The following NCAM1 variants were observed in gnomAD, a reference collection of about 807,000 sequenced individuals.
The protein encoded by NCAM1 is neural cell adhesion molecule 1.
A neutral mutation model predicts 109.8 loss-of-function variants in NCAM1; 14 were observed. That is an observed-to-expected ratio of 0.13 (90% CI 0.08 to 0.20). The LOEUF is 0.20. Ranked by LOEUF, NCAM1 falls within the 10% of genes least tolerant of loss-of-function variation. The pLI is 1.00. For missense variants in NCAM1, 774 were observed against 1,109.9 expected, an observed-to-expected ratio of 0.70 and a Z score of 4.30; for synonymous variants, 418 against 442.9, an observed-to-expected ratio of 0.94 and a Z score of 0.70.
intron 8 of NCAM1, among the ~76,000 whole-genome samples, chr11:113,218,303 G>A (rs923896960): frequency 3.9e-5 from 6 of 152,134 alleles, no homozygotes; most frequent in Non-Finnish European, 7.3e-5. Context: ...CTTCTGGCTC[G>A]GTGGCTCAGA....
chr11:113,030,225 A>G (rs1340325984), intron 1 of NCAM1, among the ~76,000 whole-genome samples: 3 of 152,228 alleles, frequency 2.0e-5, no homozygotes, highest in Non-Finnish European at 4.4e-5. Context: ...TGCCTGGATT[A>G]TAAACACTAA....
chr11:113,245,655 T>A (rs1945479237), intron 14 of NCAM1, among the ~76,000 whole-genome samples: 1 of 152,074 alleles, frequency 6.6e-6, no homozygotes, highest in Admixed American at 6.6e-5. Flanking sequence ...ATAACATGGG[T>A]TTGTGGAGAA....
At position 113,034,948 on chromosome 11, in the gene NCAM1, A is replaced by G. The variant is rs144646783; in HGVS notation, c.52+73284A>G. ...CATAAAGTAGTCTGGAATCTACGTT[A>G]AGAAGACTCTGTTAATAACCTTGAA... On this transcript the variant is annotated intron_variant, in intron 1 of 19. Transcript: ENST00000316851. 7.9e-4 allele frequency among the ~76,000 whole-genome samples: 120 copies of G among 152,354 alleles called. 1 individual carries two copies. The East Asian group carries it at 0.02, about 26-fold the overall frequency.
intron 1 of NCAM1, among the ~76,000 whole-genome samples, chr11:112,985,824 A>G (rs1951286216): frequency 6.6e-6 from 1 of 151,876 alleles, no homozygotes; most frequent in Non-Finnish European, 1.5e-5. Context: ...GTGTTTTTTA[A>G]TATAAAAGAT....
At chr11:113,246,815 G>A (rs1325957339) in intron 15 of NCAM1, among the ~76,000 whole-genome samples, 1 of 152,256 alleles carries the variant, frequency 6.6e-6, no homozygotes, top group African/African-American at 2.4e-5. Context: ...ATGCTACAGA[G>A]TGAAATATAT....
chr11:113,207,495 C>G, intron 6 of NCAM1, 117 bp downstream of exon 6: 1 of 792,668 alleles, frequency 1.3e-6, no homozygotes, highest in South Asian at 1.8e-5. Flanking sequence ...ATATTAACCC[C>G]AGGAGAAGAA....
chr11:113,128,263 A>G (rs1186909397), intron 1 of NCAM1, among the ~76,000 whole-genome samples: 3 of 152,146 alleles, frequency 2.0e-5, no homozygotes, highest in Non-Finnish European at 4.4e-5. Context: ...CTAGCTTTGC[A>G]TCTCAGATGT....
Position 113,275,510 on chromosome 11 carries a change from AT to A in NCAM1, c.*124del. ...CACAAACACACATGCACACACACACATCTCATTTCTCTAGTGTCTTTTGCCT... is the reference window on the plus strand; with the variant it reads ...CACAAACACACATGCACACACACACACTCATTTCTCTAGTGTCTTTTGCCT... On this transcript the variant is annotated 3_prime_UTR_variant, in exon 20 of 20. Coordinates refer to ENST00000316851, the MANE Select transcript of NCAM1 (RefSeq NM_181351.5). 1 of 1,184,868 alleles carries A rather than the reference AT, an allele frequency of 8.4e-7. No homozygotes were observed. The highest frequency in any genetic ancestry group is 1.2e-6 in the Non-Finnish European group (1 of 861,956). The allele number at this position is 1,184,868 out of a possible 1,614,324, so 73.4% of individuals were successfully genotyped here. A position where few individuals can be genotyped will look rare whatever the true frequency, so the allele number is the denominator to read the frequency against.
chr11:113,202,496 A>C (rs1555112071), intron 2 of NCAM1, 43 bp downstream of exon 2: 1 of 1,557,096 alleles, frequency 6.4e-7, no homozygotes. Context: ...CTTGCTTCAG[A>C]AACTCACTGG....
chr11:113,069,594 C>T (rs1424266906), intron 1 of NCAM1, among the ~76,000 whole-genome samples: 18 of 152,034 alleles, frequency 1.2e-4, no homozygotes, highest in Admixed American at 5.9e-4. Context: ...GGGTGCAGGA[C>T]GAGGTGCATT....
chr11:113,234,238 T>A (rs2137265252), intron 13 of NCAM1, among the ~76,000 whole-genome samples: 1 of 149,822 alleles, frequency 6.7e-6, no homozygotes, highest in East Asian at 2.0e-4. Context: ...TGATCTCATG[T>A]CACTATCTGT....
chr11:113,082,404 T>C (rs1306468900), intron 1 of NCAM1, among the ~76,000 whole-genome samples: 1 of 152,212 alleles, frequency 6.6e-6, no homozygotes, highest in African/African-American at 2.4e-5. Context: ...AATACAGCGC[T>C]GTGGTAGTCT....
chr11:113,134,489 T>C (rs987043461), intron 1 of NCAM1, among the ~76,000 whole-genome samples: 6 of 152,166 alleles, frequency 3.9e-5, no homozygotes, highest in African/African-American at 1.4e-4. Flanking sequence ...TGGATGGATG[T>C]GTATATCCAT....
chr11:113,014,813 C>T (rs1227978668), intron 1 of NCAM1, among the ~76,000 whole-genome samples: 1 of 152,160 alleles, frequency 6.6e-6, no homozygotes, highest in Non-Finnish European at 1.5e-5. Flanking sequence ...CATAAGCTCA[C>T]GCAAATCTGA....
chr11:113,268,835 G>C (rs1370519754), intron 17 of NCAM1, among the ~76,000 whole-genome samples: 2 of 152,172 alleles, frequency 1.3e-5, no homozygotes, highest in African/African-American at 2.4e-5. Context: ...AAAGCCTAGC[G>C]AGCTGGGTTG....
intron 1 of NCAM1, among the ~76,000 whole-genome samples, chr11:113,107,013 A>G (rs1940203722): frequency 6.6e-6 from 1 of 152,222 alleles, no homozygotes. Context: ...TTCTGTTACA[A>G]TATTTGCAAC....
chr11:113,234,594 A>C (rs945551229), intron 13 of NCAM1, among the ~76,000 whole-genome samples: 61 of 152,350 alleles, frequency 4.0e-4, no homozygotes, highest in African/African-American at 1.2e-3. Flanking sequence ...AATATCTTCA[A>C]GGTTCATCCA....
intron 1 of NCAM1, among the ~76,000 whole-genome samples, chr11:113,149,192 C>G (rs1366181006): frequency 6.6e-6 from 1 of 152,170 alleles, no homozygotes; most frequent in Non-Finnish European, 1.5e-5. Context: ...GGCCTGCCAG[C>G]TGGGGGGGCC....
chr11:113,141,577 C>T (rs565692797), intron 1 of NCAM1, among the ~76,000 whole-genome samples: 48 of 152,188 alleles, frequency 3.2e-4, no homozygotes, highest in Non-Finnish European at 5.3e-4. Flanking sequence ...TGAACCCAGG[C>T]GGTGGAGGTT....
Sources: allele counts gnomAD v4.1 joint callset (sites outside exome capture counted in the v4.1 genomes callset), GRCh38; gene constraint gnomAD v4.1.1; transcripts MANE v1.5; gene names NCBI Gene and HGNC (gene_info 2026-07-23, HGNC 2026-07-21).